ATP10A: variants seen among roughly 807,000 people sequenced by gnomAD.
ATP10A encodes phospholipid-transporting ATPase VA.
Under a neutral mutation model 147.8 loss-of-function variants are expected in ATP10A, and 111 were observed. The observed-to-expected ratio is 0.75, with a 90% CI of 0.64 to 0.88. ATP10A has a LOEUF of 0.88. ATP10A is among the 40% of genes least tolerant of loss of function. ATP10A has a pLI of 0.00. For synonymous variants in ATP10A, 875 were observed against 841.6 expected, an observed-to-expected ratio of 1.04 and a Z score of -0.69; for missense variants, 1,927 against 1,959.0, an observed-to-expected ratio of 0.98 and a Z score of 0.31.
At chr15:25,723,081 G>C (rs1373717170) in intron 6 of ATP10A, among the ~76,000 whole-genome samples, 2 of 152,188 alleles carry the variant, frequency 1.3e-5, no homozygotes, top group Admixed American at 1.3e-4. Context: ...GGGTGCAGTG[G>C]CTCATGCCTG....
chr15:25,675,135 C>T (rs994719234), downstream of ATP10A, among the ~76,000 whole-genome samples: 1 of 152,182 alleles, frequency 6.6e-6, no homozygotes, highest in Non-Finnish European at 1.5e-5. Context: ...GGAGGCACAT[C>T]GTGTACTGGT....
intron 1 of ATP10A, among the ~76,000 whole-genome samples, chr15:25,839,740 G>A (rs543763016): frequency 1.4e-4 from 21 of 152,102 alleles, no homozygotes; most frequent in Admixed American, 2.0e-4. Context: ...TTTTTATTTC[G>A]GAATAATTAC....
chr15:25,851,616 A>G (rs749379173), intron 1 of ATP10A, among the ~76,000 whole-genome samples: 4 of 152,220 alleles, frequency 2.6e-5, no homozygotes, highest in African/African-American at 4.8e-5. Flanking sequence ...ATTTGAGCCA[A>G]CAGAGGGTAT....
Position 25,781,372 on chromosome 15 carries a change from T to A in ATP10A, c.450-149A>T, listed in dbSNP as rs1478813755. On this transcript the variant is annotated intron_variant, in intron 1 of 20. Coordinates refer to ENST00000555815, the MANE Select transcript of ATP10A (RefSeq NM_024490.4). ...ATAAACAGGTGTTTTAAAAAGAATATTTGGCCGGGTGTGGTGGCTCACGCC... is the reference window on the plus strand; with the variant it reads ...ATAAACAGGTGTTTTAAAAAGAATAATTGGCCGGGTGTGGTGGCTCACGCC... 27 of 731,632 alleles carry A rather than the reference T, an allele frequency of 3.7e-5. No individual in the cohort carries two copies. In the Admixed American group the frequency reaches 5.1e-4, roughly 14 times the overall value. 45.3% of individuals were successfully genotyped at this position (731,632 alleles called of 1,614,324 possible). A position where few individuals can be genotyped will look rare whatever the true frequency, so the allele number is the denominator to read the frequency against.
intron 13 of ATP10A, among the ~76,000 whole-genome samples, chr15:25,698,334 G>A (rs1216399577): frequency 6.6e-6 from 1 of 152,176 alleles, no homozygotes; most frequent in African/African-American, 2.4e-5. Context: ...TGGGCCCAAT[G>A]GGAGAATAGA....
intron 1 of ATP10A, among the ~76,000 whole-genome samples, chr15:25,845,375 C>A (rs1021887598): frequency 1.3e-5 from 2 of 151,308 alleles, no homozygotes; most frequent in African/African-American, 4.9e-5. Flanking sequence ...TGGGTGATGG[C>A]CGAAGTTAAC....
intron 1 of ATP10A, among the ~76,000 whole-genome samples, chr15:25,831,207 G>T (rs1244844812): frequency 6.6e-6 from 1 of 152,222 alleles, no homozygotes; most frequent in African/African-American, 2.4e-5. Flanking sequence ...TCATTCCAAA[G>T]CTGTGTGTGG....
rs1384398172 is a variant in ATP10A, at chr15:25,736,139, GACC to G, written c.655-1_656del. On this transcript the variant is annotated splice_acceptor_variant and coding_sequence_variant, in exon 3 of 21. Coordinates refer to ENST00000555815, the MANE Select transcript of ATP10A (RefSeq NM_024490.4). LOFTEE classifies it high-confidence loss of function. The stretch of plus-strand genomic sequence containing the variant: ...TGAACGTCAAAGGATTGAATTCGGA[GACC>G]TAAAATAACAGCACGTAGACATTAG... The G allele has an allele frequency of 2.5e-6, 4 of 1,612,542 alleles. No individual in the cohort carries two copies. Among genetic ancestry groups the G allele is most frequent in the Non-Finnish European group, 3.4e-6 (4 of 1,179,798 alleles).
At chr15:25,807,542 C>T (rs1256939798) in intron 1 of ATP10A, among the ~76,000 whole-genome samples, 1 of 152,234 alleles carries the variant, frequency 6.6e-6, no homozygotes, top group African/African-American at 2.4e-5. Flanking sequence ...GTGGCTCACA[C>T]CTGTAATCCC....
At chr15:25,749,225 T>C (rs960486589) in intron 2 of ATP10A, among the ~76,000 whole-genome samples, 1 of 152,288 alleles carries the variant, frequency 6.6e-6, no homozygotes, top group South Asian at 2.1e-4. Flanking sequence ...ATAAGCACAC[T>C]ATTTGTAATA....
At chr15:25,702,189 C>T (rs1276756061) in intron 12 of ATP10A, 89 bp from the exon 13 acceptor site, 11 of 1,342,430 alleles carry the variant, frequency 8.2e-6, no homozygotes, top group Non-Finnish European at 1.1e-5. Context: ...CCAGATACAC[C>T]GAAGGCAGGC....
At chr15:25,734,721 G>T (rs1284120912) in intron 3 of ATP10A, among the ~76,000 whole-genome samples, 1 of 152,194 alleles carries the variant, frequency 6.6e-6, no homozygotes, top group Non-Finnish European at 1.5e-5. Flanking sequence ...TTTAAGGGGT[G>T]ATTTAATGCT....
intron 2 of ATP10A, among the ~76,000 whole-genome samples, chr15:25,760,667 A>G (rs1249260341): frequency 6.6e-6 from 1 of 152,234 alleles, no homozygotes; most frequent in Non-Finnish European, 1.5e-5. Flanking sequence ...GGCTTGTGCT[A>G]AGCAAGTTCA....
chr15:25,847,601 G>A (rs1893080780), intron 1 of ATP10A, among the ~76,000 whole-genome samples: 2 of 112,808 alleles, frequency 1.8e-5, no homozygotes, highest in Admixed American at 2.4e-4. Flanking sequence ...AATTCAAACA[G>A]CTACAGCCTT....
Position 25,679,739 on chromosome 15 carries a change from C to T in ATP10A, c.4102G>A (p.Gly1368Arg), listed in dbSNP as rs768077816. 5.1e-5 allele frequency: 83 copies of T among 1,613,258 alleles called. No homozygotes were observed. The highest frequency in any genetic ancestry group is 6.8e-5 in the Non-Finnish European group (80 of 1,180,016). Reference sequence around the variant, plus strand: ...CTCATGTCCACTGTGCTGGGCTCCCCGCTGGCCTCCAGGGAGCAGACCGGC... The same window carrying T: ...CTCATGTCCACTGTGCTGGGCTCCCTGCTGGCCTCCAGGGAGCAGACCGGC... ...QQPVCSLEASGEPSTVDMSMP... is the reference protein window; with the variant it reads ...QQPVCSLEASREPSTVDMSMP... Residue 1368 changes from glycine (G) to arginine (R), a missense_variant, in exon 21 of 21, where the codon GGG (glycine) becomes AGG (arginine). Gly to Arg is a moderately radical substitution (Grantham distance 125, BLOSUM62 -2). Transcript: ENST00000555815.
chr15:25,856,746 T>C (rs1893534731), intron 1 of ATP10A, among the ~76,000 whole-genome samples: 1 of 152,040 alleles, frequency 6.6e-6, no homozygotes, highest in South Asian at 2.1e-4. Flanking sequence ...CCTAGGAATG[T>C]GGAGACCAAA....
intron 1 of ATP10A, among the ~76,000 whole-genome samples, chr15:25,800,742 G>T (rs918418810): frequency 1.3e-5 from 2 of 152,310 alleles, no homozygotes; most frequent in African/African-American, 4.8e-5. Flanking sequence ...CACTCTGGGG[G>T]CCCCTGAGGC....
intron 2 of ATP10A, among the ~76,000 whole-genome samples, chr15:25,759,500 C>T (rs1888637402): frequency 6.6e-6 from 1 of 152,126 alleles, no homozygotes; most frequent in South Asian, 2.1e-4. Context: ...TGGAGCATTG[C>T]TCTGCCCTTA....
Position 25,716,767 on chromosome 15 carries a change from G to A in ATP10A, c.1739C>T (p.Thr580Ile). The stretch of plus-strand genomic sequence containing the variant: ...CTGATCCGGGGACGTGACGACGACT[G>A]TGTTGCAGATGGTGAGTGCGATGAA... Reference protein sequence around the residue: ...DFFIALTICNTVVVTSPDQPR... With the variant: ...DFFIALTICNIVVVTSPDQPR... Residue 580 changes from threonine (T) to isoleucine (I), a missense_variant, in exon 9 of 21, where the codon ACA becomes ATA. Thr to Ile is a moderately conservative substitution (Grantham distance 89). Coordinates refer to ENST00000555815, the MANE Select transcript of ATP10A (RefSeq NM_024490.4). 6.2e-7 allele frequency: 1 copy of A among 1,604,970 alleles called. No individual in the cohort carries two copies. Among genetic ancestry groups the A allele is most frequent in the Non-Finnish European group, 8.5e-7 (1 of 1,175,944 alleles).
Sources: allele counts gnomAD v4.1 joint callset (sites outside exome capture counted in the v4.1 genomes callset), GRCh38; gene constraint gnomAD v4.1.1; transcripts MANE v1.5; gene names NCBI Gene and HGNC (gene_info 2026-07-23, HGNC 2026-07-21).